Variants in L2HGDH observed in about 807,000 individuals in gnomAD.
The protein encoded by L2HGDH is L-2-hydroxyglutarate dehydrogenase.
A neutral mutation model predicts 51.5 loss-of-function variants in L2HGDH; 34 were observed. That is an observed-to-expected ratio of 0.66 (90% confidence interval 0.50 to 0.88). The LOEUF (loss-of-function observed/expected upper bound fraction) is 0.88, where lower values mean the gene tolerates loss of function less well. L2HGDH is among the 40% of genes least tolerant of loss of function. L2HGDH has a pLI of 0.00. For synonymous variants in L2HGDH, 198 were observed against 197.9 expected, an observed-to-expected ratio of 1.00 and a Z score of -0.01; for missense variants, 558 against 571.9, an observed-to-expected ratio of 0.98 and a Z score of 0.25.
intron 8 of L2HGDH, among the ~76,000 whole-genome samples, chr14:50,266,167 T>C (rs937174518): frequency 6.8e-6 from 1 of 146,578 alleles, no homozygotes; most frequent in Non-Finnish European, 1.5e-5. Context: ...AATACAGAGG[T>C]AAACACCCTC....
At chr14:50,305,664 C>G (rs1566541818) in intron 1 of L2HGDH, among the ~76,000 whole-genome samples, 1 of 152,114 alleles carries the variant, frequency 6.6e-6, no homozygotes, top group African/African-American at 2.4e-5. Context: ...TAATCTTCCA[C>G]TAAGGTAGGT....
At position 50,268,995 on chromosome 14, in the gene L2HGDH, C is replaced by T. The variant is rs539345512; in HGVS notation, c.906+168G>A. Among the ~76,000 whole-genome samples the T allele has an allele frequency of 3.9e-5, 6 of 152,172 alleles. No homozygotes were observed. In the East Asian group the frequency reaches 7.7e-4, roughly 20 times the overall value. ...TAATTACAATTTAATAACCATGATACAGGGATAAAGATTTAGGGATTTAAC... is the reference window on the plus strand; with the variant it reads ...TAATTACAATTTAATAACCATGATATAGGGATAAAGATTTAGGGATTTAAC... On this transcript the variant is annotated intron_variant, in intron 7 of 9. Transcript: ENST00000267436.
chr14:50,248,031 C>T (rs377607940), intron 9 of L2HGDH, among the ~76,000 whole-genome samples: 1 of 152,164 alleles, frequency 6.6e-6, no homozygotes, highest in East Asian at 1.9e-4. Context: ...AACTCCTGGC[C>T]TCAAGTGATC....
At chr14:50,310,931 C>CTTT (rs2031097080) in intron 1 of L2HGDH, among the ~76,000 whole-genome samples, 1 of 123,228 alleles carries the variant, frequency 8.1e-6, no homozygotes, top group African/African-American at 3.0e-5. Flanking sequence ...TTTTTCTTTT[C>CTTT]TTTTCTTTTT....
intron 2 of L2HGDH, 38 bp from the exon 3 acceptor site, chr14:50,302,206 G>A (rs780268470): frequency 6.2e-7 from 1 of 1,604,886 alleles, no homozygotes; most frequent in Admixed American, 1.7e-5. Flanking sequence ...GTAAGTACAT[G>A]ATTCATACAA....
intron 3 of L2HGDH, among the ~76,000 whole-genome samples, chr14:50,296,018 C>T (rs957936232): frequency 2.0e-5 from 3 of 151,938 alleles, no homozygotes; most frequent in Non-Finnish European, 2.9e-5. Context: ...GGATTACAGG[C>T]GTGAGCCACC....
Position 50,302,915 on chromosome 14 carries a change from C to G in L2HGDH, c.243G>C (p.Lys81Asn). 6.2e-7 allele frequency: 1 copy of G among 1,612,112 alleles called. No individual in the cohort carries two copies. Among genetic ancestry groups the G allele is most frequent in the Non-Finnish European group, 8.5e-7 (1 of 1,178,234 alleles). The part of the protein sequence containing the change: ...HPSLSIGVLE[K>N]EKDLAVHQTG... ...TTATATACATACCTAAATCTTTCTCCTTTTCCAGAACACCAATAGAAAGTG... is the reference window on the plus strand; with the variant it reads ...TTATATACATACCTAAATCTTTCTCGTTTTCCAGAACACCAATAGAAAGTG... The change falls in exon 2 of 10, where the codon AAG (lysine) becomes AAC (asparagine). Residue 81 changes from lysine to asparagine, a missense_variant. This residue lies in a region of L2HGDH where 194 missense variants were observed against 187.2 expected (regional missense o/e 1.04). Transcript: ENST00000267436.
At chr14:50,284,413 T>C (rs1010206749) in intron 4 of L2HGDH, among the ~76,000 whole-genome samples, 2 of 152,212 alleles carry the variant, frequency 1.3e-5, no homozygotes, top group African/African-American at 4.8e-5. Context: ...ACTACAAATA[T>C]GGAATGGAGA....
intron 1 of L2HGDH, among the ~76,000 whole-genome samples, chr14:50,311,749 A>G (rs1566547072): frequency 6.6e-6 from 1 of 152,218 alleles, no homozygotes; most frequent in Admixed American, 6.5e-5. Context: ...ACTAGCCCAG[A>G]GTTCAACAGA....
rs992996260 is a variant in L2HGDH at position 50,245,108 on chromosome 14, G to A, written c.*1950C>T. The A allele has an allele frequency of 2.5e-5, 25 of 985,488 alleles. No homozygotes were observed. Among genetic ancestry groups the A allele is most frequent in the Non-Finnish European group, 2.9e-5 (24 of 829,882 alleles). The allele number at this position is 985,488 out of a possible 1,614,324, so 61.0% of individuals were successfully genotyped here. A position where few individuals can be genotyped will look rare whatever the true frequency, so the allele number is the denominator to read the frequency against. ...TGAGGTGAATGTAAGGCACTTTCGC[G>A]GTTTACAAAAGTGAATGCCTCAAAG... On this transcript the variant is annotated 3_prime_UTR_variant, in exon 10 of 10. Transcript: ENST00000267436.
rs529513396 is a variant in L2HGDH, at chr14:50,243,951, C to A, written c.*3107G>T. 2.0e-5 allele frequency: 3 copies of A among 148,128 alleles called. No individual in the cohort carries two copies. Among genetic ancestry groups the A allele is most frequent in the Non-Finnish European group, 4.5e-5 (3 of 67,204 alleles). The allele number at this position is 148,128 out of a possible 1,614,324, so 9.2% of individuals were successfully genotyped here. On this transcript the variant is annotated 3_prime_UTR_variant, in exon 10 of 10. Coordinates refer to ENST00000267436, the MANE Select transcript of L2HGDH (RefSeq NM_024884.3). ...TGCGGTGTTTGGTTTTTTGTTCTTGCGATAGTTTACTGAGAATGATGATTT... is the reference window on the plus strand; with the variant it reads ...TGCGGTGTTTGGTTTTTTGTTCTTGAGATAGTTTACTGAGAATGATGATTT...
At position 50,243,154 on chromosome 14, in the gene L2HGDH, G is replaced by A. The variant is rs1297466792; in HGVS notation, c.*3904C>T. The A allele has an allele frequency of 5.1e-6, 5 of 985,338 alleles. No individual in the cohort carries two copies. In the South Asian group the frequency reaches 1.9e-4, roughly 37 times the overall value. 61.0% of individuals were successfully genotyped at this position (985,338 alleles called of 1,614,324 possible). A position where few individuals can be genotyped will look rare whatever the true frequency, so the allele number is the denominator to read the frequency against. On this transcript the variant is annotated 3_prime_UTR_variant, in exon 10 of 10. Coordinates refer to ENST00000267436, the MANE Select transcript of L2HGDH (RefSeq NM_024884.3). ...ACTCCCCAAACAGTGCTAATGCTGA[G>A]AGGATCAAGGGAAGGACTTTGATAT...
At chr14:50,250,690 G>C (rs374437595) in intron 9 of L2HGDH, among the ~76,000 whole-genome samples, 1 of 152,146 alleles carries the variant, frequency 6.6e-6, no homozygotes, top group African/African-American at 2.4e-5. Flanking sequence ...CAGTTCCAGG[G>C]GGTTTAGCAC....
At chr14:50,267,323 C>A (rs1314963790) in intron 8 of L2HGDH, among the ~76,000 whole-genome samples, 10 of 152,022 alleles carry the variant, frequency 6.6e-5, no homozygotes, top group Admixed American at 6.6e-4. Flanking sequence ...GCTGGGACTA[C>A]AGGTGCCAGC....
intron 6 of L2HGDH, 47 bp from the exon 7 acceptor site, chr14:50,269,377 T>C: frequency 4.5e-6 from 7 of 1,572,046 alleles, no homozygotes; most frequent in South Asian, 2.2e-5. Context: ...TGGAGTAGAA[T>C]AGGTCAAGAG....
In L2HGDH at chr14:50,282,564, G is replaced by T. The variant is rs1566524552; in HGVS notation, c.703+1307C>A. ...CAGTAATTAACTATGTGGGCTTTAG[G>T]TACAGTCTATGAGTTGAAATCCAAA... On this transcript the variant is annotated intron_variant, in intron 5 of 9. Transcript: ENST00000267436. 6.6e-6 allele frequency: 3 copies of T among 455,488 alleles called. No individual in the cohort carries two copies. The East Asian group carries it at 2.1e-4, about 32-fold the overall frequency. 28.2% of individuals were successfully genotyped at this position (455,488 alleles called of 1,614,324 possible).
In L2HGDH at chr14:50,302,886, T is replaced by C. The variant is rs550367949; in HGVS notation, c.256+16A>G. On this transcript the variant is annotated intron_variant, in intron 2 of 9. Transcript: ENST00000267436. ...GCCCAAGTAAGCCCAAAGAACAACATTGATTATATACATACCTAAATCTTT... is the reference window on the plus strand; with the variant it reads ...GCCCAAGTAAGCCCAAAGAACAACACTGATTATATACATACCTAAATCTTT... 1.6e-5 allele frequency: 25 copies of C among 1,537,008 alleles called. No homozygotes were observed. The East Asian group carries it at 3.1e-4, about 19-fold the overall frequency.
intron 3 of L2HGDH, among the ~76,000 whole-genome samples, chr14:50,301,800 A>T (rs907481469): frequency 6.6e-6 from 1 of 152,206 alleles, no homozygotes; most frequent in Non-Finnish European, 1.5e-5. Flanking sequence ...GCACTTTAAA[A>T]GGGCGAATTG....
At chr14:50,262,798 A>G (rs1351404244) in intron 9 of L2HGDH, among the ~76,000 whole-genome samples, 2 of 151,910 alleles carry the variant, frequency 1.3e-5, no homozygotes, top group Non-Finnish European at 2.9e-5. Context: ...CCTTTTTGTT[A>G]TTAATAATTT....
Sources: allele counts gnomAD v4.1 joint callset (sites outside exome capture counted in the v4.1 genomes callset), GRCh38; gene constraint gnomAD v4.1.1; regional missense constraint gnomAD v4.1.1; transcripts MANE v1.5; gene names NCBI Gene and HGNC (gene_info 2026-07-23, HGNC 2026-07-21).